UNC5C: variants seen among roughly 807,000 people sequenced by gnomAD.
UNC5C encodes the protein unc-5 netrin receptor C.
Under a neutral mutation model 99.8 loss-of-function variants are expected in UNC5C, and 47 were observed. That is an observed-to-expected ratio of 0.47 (90% CI 0.37 to 0.60). The LOEUF is 0.60. Ranked by LOEUF, UNC5C falls within the 20% of genes least tolerant of loss-of-function variation. UNC5C has a pLI of 0.00. For synonymous variants in UNC5C, 487 were observed against 452.2 expected (o/e 1.08, Z -0.98); for missense variants, 1,062 against 1,165.9 (o/e 0.91, Z 1.30).
chr4:95,262,560 C>T (rs1415446553), intron 4 of UNC5C, among the ~76,000 whole-genome samples: 1 of 152,046 alleles, frequency 6.6e-6, no homozygotes, highest in Non-Finnish European at 1.5e-5. Context: ...AGCTGTATTT[C>T]CAATAAAAAT....
intron 1 of UNC5C, among the ~76,000 whole-genome samples, chr4:95,485,736 A>AT (rs535794286): frequency 6.6e-6 from 1 of 151,642 alleles, no homozygotes; most frequent in Admixed American, 6.6e-5. Flanking sequence ...AAAGTTTGTC[A>AT]TTTTTTCCTA....
intron 14 of UNC5C, among the ~76,000 whole-genome samples, chr4:95,179,196 G>T (rs918255722): frequency 6.6e-6 from 1 of 152,116 alleles, no homozygotes; most frequent in African/African-American, 2.4e-5. Flanking sequence ...TTTCTATTCT[G>T]ATATTTGGAC....
chr4:95,424,826 A>AT (rs1198178870), intron 1 of UNC5C, among the ~76,000 whole-genome samples: 1 of 151,868 alleles, frequency 6.6e-6, no homozygotes, highest in East Asian at 1.9e-4. Context: ...CCCGCCCCAG[A>AT]TTTTTTATAG....
intron 1 of UNC5C, among the ~76,000 whole-genome samples, chr4:95,404,724 G>T (rs996827435): frequency 3.9e-5 from 6 of 152,098 alleles, no homozygotes; most frequent in Non-Finnish European, 8.8e-5. Context: ...ATGAGAACAG[G>T]AATTTCTGGT....
chr4:95,189,628 T>TCAAA (rs757677915), intron 12 of UNC5C, among the ~76,000 whole-genome samples: 1 of 152,108 alleles, frequency 6.6e-6, no homozygotes, highest in South Asian at 2.1e-4. Flanking sequence ...TACAATGAAC[T>TCAAA]CAAACAAATT....
intron 1 of UNC5C, among the ~76,000 whole-genome samples, chr4:95,496,674 T>G (rs996778194): frequency 6.6e-6 from 1 of 151,290 alleles, no homozygotes; most frequent in Non-Finnish European, 1.5e-5. Flanking sequence ...AATAGATATT[T>G]GTACTTTTTT....
chr4:95,350,853 T>C (rs1004736877), intron 1 of UNC5C, among the ~76,000 whole-genome samples: 6 of 152,124 alleles, frequency 3.9e-5, no homozygotes, highest in Admixed American at 6.6e-5. Context: ...AACTTAGGTG[T>C]TTCTGTGAAG....
chr4:95,488,291 C>T (rs1317145070), intron 1 of UNC5C, among the ~76,000 whole-genome samples: 1 of 151,556 alleles, frequency 6.6e-6, no homozygotes, highest in African/African-American at 2.4e-5. Context: ...TTATTCATAA[C>T]AACAATTAAA....
At chr4:95,288,146 G>A (rs769289068) in intron 3 of UNC5C, among the ~76,000 whole-genome samples, 2 of 151,428 alleles carry the variant, frequency 1.3e-5, no homozygotes, top group Non-Finnish European at 2.9e-5. Context: ...GCAGTGGCGC[G>A]ACCTCTGCTC....
chr4:95,185,354 A>AAACT (rs1316291085), intron 12 of UNC5C, among the ~76,000 whole-genome samples, 158 bp from the exon 13 acceptor site: 1 of 151,978 alleles, frequency 6.6e-6, no homozygotes, highest in African/African-American at 2.4e-5. Context: ...CCCTCTAACT[A>AAACT]AACTAACTAA....
chr4:95,477,644 A>C (rs1366546176), intron 1 of UNC5C, among the ~76,000 whole-genome samples: 1 of 152,034 alleles, frequency 6.6e-6, no homozygotes, highest in African/African-American at 2.4e-5. Context: ...GCCTTATAAA[A>C]GGGTTGCCTA....
intron 7 of UNC5C, among the ~76,000 whole-genome samples, chr4:95,241,949 A>G (rs1468923279): frequency 6.6e-6 from 1 of 152,210 alleles, no homozygotes; most frequent in African/African-American, 2.4e-5. Flanking sequence ...AATTTTCAAG[A>G]GGTTGCAGAG....
intron 3 of UNC5C, among the ~76,000 whole-genome samples, chr4:95,299,286 C>A (rs60379045): frequency 6.6e-6 from 1 of 152,056 alleles, no homozygotes; most frequent in African/African-American, 2.4e-5. Context: ...GAGAAAGAGG[C>A]CACCAGCAAG....
intron 3 of UNC5C, among the ~76,000 whole-genome samples, chr4:95,297,268 A>T (rs1442950338): frequency 1.3e-5 from 2 of 152,086 alleles, no homozygotes; most frequent in African/African-American, 4.8e-5. Context: ...ATTGTTCCTA[A>T]GGGCACCCCT....
rs1471876699 is a variant in UNC5C, at chr4:95,490,704, T to C, written c.124+58030A>G. Among the ~76,000 whole-genome samples the C allele has an allele frequency of 6.6e-5, 10 of 151,778 alleles. No individual in the cohort carries two copies. The South Asian group carries it at 2.1e-3, about 31-fold the overall frequency. ...GAATACATTTAACTCTTTAGTCACA[T>C]TGATTAAGGGAACATCTAAAGATAG... On this transcript the variant is annotated intron_variant, in intron 1 of 15. Coordinates refer to ENST00000453304, the MANE Select transcript of UNC5C (RefSeq NM_003728.4).
At chr4:95,288,562 A>G (rs1741327794) in intron 3 of UNC5C, among the ~76,000 whole-genome samples, 1 of 152,204 alleles carries the variant, frequency 6.6e-6, no homozygotes, top group Non-Finnish European at 1.5e-5. Flanking sequence ...ACAGAAATAT[A>G]TTCACTTGTA....
chr4:95,450,214 TC>T (rs1197838101), intron 1 of UNC5C, among the ~76,000 whole-genome samples: 2 of 152,292 alleles, frequency 1.3e-5, no homozygotes, highest in East Asian at 3.9e-4. Context: ...TGGTGCTTCT[TC>T]CCCCAACCCC....
At chr4:95,514,628 A>ATATT (rs960021316) in intron 1 of UNC5C, among the ~76,000 whole-genome samples, 1 of 148,504 alleles carries the variant, frequency 6.7e-6, no homozygotes, top group Non-Finnish European at 1.5e-5. Flanking sequence ...CAATATAAAT[A>ATATT]TATTTATTTA....
chr4:95,292,370 C>T (rs1028003629), intron 3 of UNC5C, among the ~76,000 whole-genome samples: 29 of 151,270 alleles, frequency 1.9e-4, no homozygotes, highest in Admixed American at 1.3e-3. Flanking sequence ...CCCAGGTTCA[C>T]GCCATTCTCC....
Sources: gnomAD v4.1 joint callset for allele counts (sites outside exome capture counted in the v4.1 genomes callset) on GRCh38, gnomAD v4.1.1 for gene constraint, MANE v1.5 for transcripts, NCBI Gene and HGNC (gene_info 2026-07-23, HGNC 2026-07-21) for gene names.